CSMD1: variants seen among roughly 807,000 people sequenced by gnomAD.
The protein encoded by CSMD1 is CUB and Sushi multiple domains 1, also known as CUB and sushi domain-containing protein 1.
CSMD1 carries 213 observed loss-of-function variants against 417.5 expected under a neutral mutation model. That is an observed-to-expected ratio of 0.51 (90% CI 0.46 to 0.57). The LOEUF (loss-of-function observed/expected upper bound fraction) is 0.57. CSMD1 is among the 20% of genes least tolerant of loss of function. CSMD1 has a pLI of 0.00. For synonymous variants in CSMD1, 2,862 were observed against 1,736.8 expected (o/e 1.65, Z -16.11); for missense variants, 6,923 against 4,529.7 (o/e 1.53, Z -15.17).
chr8:3,435,242 T>C (rs1359402941), intron 12 of CSMD1, among the ~76,000 whole-genome samples: 2 of 152,188 alleles, frequency 1.3e-5, no homozygotes, highest in Non-Finnish European at 2.9e-5. Flanking sequence ...AAGAAAATAG[T>C]ATCCCTGACA....
chr8:3,878,865 C>A (rs1376719004), intron 5 of CSMD1, among the ~76,000 whole-genome samples: 1 of 152,134 alleles, frequency 6.6e-6, no homozygotes, highest in Non-Finnish European at 1.5e-5. Context: ...CCATAATAAA[C>A]TGACTGAGCT....
rs143071635 is a variant in CSMD1, at chr8:3,876,285, G to C, written c.818+121618C>G. Among the ~76,000 whole-genome samples the C allele has an allele frequency of 1.8e-3, 275 of 152,240 alleles. 1 individual carries two copies. Among genetic ancestry groups the C allele is most frequent in the Non-Finnish European group, 1.7e-3 (115 of 68,012 alleles). On this transcript the variant is annotated intron_variant, in intron 5 of 69. Coordinates refer to ENST00000635120, the MANE Select transcript of CSMD1 (RefSeq NM_033225.6). ...ACGTGTTGTTTTATTTACCTTAGAA[G>C]TTTTTAGAATTAGTATGGGAAAAGG...
At chr8:3,651,672 A>G (rs1363749609) in intron 7 of CSMD1, among the ~76,000 whole-genome samples, 1 of 152,062 alleles carries the variant, frequency 6.6e-6, no homozygotes, top group Non-Finnish European at 1.5e-5. Context: ...CGTGCTTACT[A>G]TCACTGTACT....
At chr8:4,183,464 G>A (rs557193227) in intron 3 of CSMD1, among the ~76,000 whole-genome samples, 3 of 152,264 alleles carry the variant, frequency 2.0e-5, no homozygotes, top group East Asian at 1.9e-4. Flanking sequence ...TCAATGACAT[G>A]TTCTTCAATT....
chr8:4,024,177 G>C (rs1796942120), intron 4 of CSMD1, among the ~76,000 whole-genome samples: 1 of 152,074 alleles, frequency 6.6e-6, no homozygotes, highest in African/African-American at 2.4e-5. Context: ...TATTATTCCA[G>C]TTCATAAATA....
chr8:4,599,412 T>A lies in CSMD1; in HGVS notation c.302+37930A>T, dbSNP rs560710016. On this transcript the variant is annotated intron_variant, in intron 2 of 69. Coordinates refer to ENST00000635120, the MANE Select transcript of CSMD1 (RefSeq NM_033225.6). ...CTGTTGAGAATGCAAGGAGGAAAATTTTTGATAATCCTAAATTGGAGTAAA... is the reference window on the plus strand; with the variant it reads ...CTGTTGAGAATGCAAGGAGGAAAATATTTGATAATCCTAAATTGGAGTAAA... 8.5e-5 allele frequency among the ~76,000 whole-genome samples: 13 copies of A among 152,172 alleles called. No homozygotes were observed. In the East Asian group the frequency reaches 2.3e-3, roughly 27 times the overall value.
intron 52 of CSMD1, among the ~76,000 whole-genome samples, chr8:3,002,988 A>G (rs1807545309): frequency 6.6e-6 from 1 of 152,248 alleles, no homozygotes; most frequent in Admixed American, 6.5e-5. Flanking sequence ...TAAGCTTCCT[A>G]ATACAGAACA....
intron 3 of CSMD1, among the ~76,000 whole-genome samples, chr8:4,101,114 T>C (rs189084978): frequency 1.3e-3 from 193 of 152,306 alleles, no homozygotes; most frequent in African/African-American, 4.3e-3. Flanking sequence ...AACCAGCGAA[T>C]AGTCTTTTAA....
intron 3 of CSMD1, among the ~76,000 whole-genome samples, chr8:4,133,753 A>G (rs1464844948): frequency 6.6e-6 from 1 of 152,064 alleles, no homozygotes; most frequent in South Asian, 2.1e-4. Flanking sequence ...TTATTATTTT[A>G]TATCCCTGAT....
intron 10 of CSMD1, among the ~76,000 whole-genome samples, chr8:3,520,028 A>ATT (rs1292054009): frequency 1.4e-5 from 2 of 145,744 alleles, no homozygotes; most frequent in Non-Finnish European, 3.0e-5. Flanking sequence ...ACCTATATAT[A>ATT]TATATATATA....
intron 6 of CSMD1, among the ~76,000 whole-genome samples, chr8:3,713,778 AT>A (rs1801663093): frequency 6.6e-6 from 1 of 152,226 alleles, no homozygotes; most frequent in African/African-American, 2.4e-5. Flanking sequence ...CACAGAGGAA[AT>A]TGTTTTGTGT....
At chr8:4,319,132 T>G (rs186200614) in intron 3 of CSMD1, among the ~76,000 whole-genome samples, 4 of 152,160 alleles carry the variant, frequency 2.6e-5, no homozygotes, top group African/African-American at 9.7e-5. Context: ...TAAAAGCAGA[T>G]TAAATCAAAA....
intron 3 of CSMD1, among the ~76,000 whole-genome samples, chr8:4,277,428 T>TC (rs1311801610): frequency 6.6e-6 from 1 of 152,136 alleles, no homozygotes; most frequent in African/African-American, 2.4e-5. Flanking sequence ...CTAATAGCTG[T>TC]CCGTCAGCTT....
chr8:4,218,859 A>T (rs1364216676), intron 3 of CSMD1, among the ~76,000 whole-genome samples: 1 of 152,188 alleles, frequency 6.6e-6, no homozygotes, highest in Admixed American at 6.5e-5. Context: ...TTTTCCTGAG[A>T]CATCACCTCC....
rs537377492 is a variant in CSMD1, at chr8:4,681,007, A to G, written c.86-43449T>C. Among the ~76,000 whole-genome samples the G allele has an allele frequency of 2.7e-5, 4 of 149,686 alleles. No homozygotes were observed. The South Asian group carries it at 8.6e-4, about 32-fold the overall frequency. ...GAGAGAGAGAGAGAGAGAGAGAATGAGAAAGTCATGCAACCTCTGGAAACC... is the reference window on the plus strand; with the variant it reads ...GAGAGAGAGAGAGAGAGAGAGAATGGGAAAGTCATGCAACCTCTGGAAACC... On this transcript the variant is annotated intron_variant, in intron 1 of 69. Coordinates refer to ENST00000635120, the MANE Select transcript of CSMD1 (RefSeq NM_033225.6).
chr8:3,387,414 C>G (rs891924475), intron 18 of CSMD1, 80 bp downstream of exon 18: 2 of 1,244,052 alleles, frequency 1.6e-6, no homozygotes, highest in African/African-American at 3.0e-5. Flanking sequence ...CCCTGAAATA[C>G]ACACACCACC....
chr8:3,796,619 G>A (rs935347679), intron 5 of CSMD1, among the ~76,000 whole-genome samples: 1 of 147,304 alleles, frequency 6.8e-6, no homozygotes. Context: ...TAGATGTATA[G>A]ATATATATCT....
In CSMD1 at chr8:4,562,232, C is replaced by T. The variant is rs934701180; in HGVS notation, c.302+75110G>A. 8.5e-5 allele frequency among the ~76,000 whole-genome samples: 13 copies of T among 152,160 alleles called. No individual in the cohort carries two copies. The East Asian group carries it at 1.2e-3, about 14-fold the overall frequency. On this transcript the variant is annotated intron_variant, in intron 2 of 69. Transcript: ENST00000635120. Reference sequence around the variant, plus strand: ...CCAAGTCCTGGAAGAAACGACACACCGGTGTTCCACACGGGAAATACACAG... The same window carrying T: ...CCAAGTCCTGGAAGAAACGACACACTGGTGTTCCACACGGGAAATACACAG...
intron 6 of CSMD1, among the ~76,000 whole-genome samples, chr8:3,733,681 G>C (rs1050468163): frequency 1.3e-5 from 2 of 152,134 alleles, no homozygotes. Context: ...CTGGAGTTGG[G>C]AGTCACTCAG....
Sources: allele counts gnomAD v4.1 joint callset (sites outside exome capture counted in the v4.1 genomes callset), GRCh38; gene constraint gnomAD v4.1.1; transcripts MANE v1.5; gene names NCBI Gene and HGNC (gene_info 2026-07-23, HGNC 2026-07-21).